GALNT13: variants seen among roughly 807,000 people sequenced by gnomAD.
GALNT13 encodes the protein UDP-GalNAc:polypeptide N-acetylgalactosaminyltransferase 13.
GALNT13 carries 28 observed loss-of-function variants against 64.2 expected under a neutral mutation model. That is an observed-to-expected ratio of 0.44 (90% confidence interval 0.32 to 0.60). The LOEUF (loss-of-function observed/expected upper bound fraction) is 0.60. Among genes scored for constraint, GALNT13 ranks in the 20% least tolerant of loss-of-function variants. The pLI is 0.05. For missense variants in GALNT13, 577 were observed against 669.8 expected (o/e 0.86, Z 1.53); for synonymous variants, 214 against 224.6 (o/e 0.95, Z 0.42).
intron 2 of GALNT13, among the ~76,000 whole-genome samples, chr2:153,904,267 A>G (rs994780976): frequency 6.6e-6 from 1 of 151,922 alleles, no homozygotes; most frequent in Non-Finnish European, 1.5e-5. Flanking sequence ...CCATTACCCA[A>G]ATGTAATGCT....
chr2:153,881,445 TAA>T (rs1217039058), intron 1 of GALNT13, among the ~76,000 whole-genome samples: 2 of 152,186 alleles, frequency 1.3e-5, no homozygotes, highest in Non-Finnish European at 2.9e-5. Flanking sequence ...CAAAAATTTT[TAA>T]AAGACTTTTA....
At chr2:154,043,564 GAA>G (rs912547613) in intron 3 of GALNT13, among the ~76,000 whole-genome samples, 5 of 150,816 alleles carry the variant, frequency 3.3e-5, no homozygotes, top group African/African-American at 1.2e-4. Context: ...AGGCATTAGA[GAA>G]AAAATAAATA....
chr2:154,019,552 A>G (rs1232201835), intron 3 of GALNT13, among the ~76,000 whole-genome samples: 1 of 149,212 alleles, frequency 6.7e-6, no homozygotes. Context: ...AGAGGTTGCA[A>G]TGAGCCAAGA....
chr2:153,601,772 C>A, the GALNT13 span, among the ~76,000 whole-genome samples: 503 of 151,832 alleles, frequency 3.3e-3, 6 homozygotes, highest in African/African-American at 0.011. Context: ...AAAAGATGTT[C>A]CTTACTCTAA....
At chr2:153,283,694 C>T in the GALNT13 span, among the ~76,000 whole-genome samples, 3 of 151,878 alleles carry the variant, frequency 2.0e-5, no homozygotes, top group Non-Finnish European at 4.4e-5. Flanking sequence ...GAGATCTGCT[C>T]GGGCATGGAT....
At chr2:153,914,768 A>T (rs1317220874) in intron 2 of GALNT13, among the ~76,000 whole-genome samples, 1 of 152,018 alleles carries the variant, frequency 6.6e-6, no homozygotes, top group Admixed American at 6.6e-5. Context: ...CCTGGGGCAC[A>T]TGATAGTTTT....
chr2:153,547,504 A>G, the GALNT13 span, among the ~76,000 whole-genome samples: 3 of 152,362 alleles, frequency 2.0e-5, no homozygotes, highest in Admixed American at 2.0e-4. Context: ...ATTCATTTTC[A>G]TAAGCCACAG....
intron 3 of GALNT13, among the ~76,000 whole-genome samples, chr2:154,116,631 A>G (rs768751115): frequency 2.6e-4 from 39 of 152,174 alleles, no homozygotes; most frequent in Non-Finnish European, 1.6e-4. Flanking sequence ...CTTGCCTCAC[A>G]TGAGCTGTGA....
intron 3 of GALNT13, among the ~76,000 whole-genome samples, chr2:154,023,814 T>G (rs10195968): frequency 0.38 from 56,111 of 149,400 alleles, 12,706 homozygotes; most frequent in Non-Finnish European, 0.53. Context: ...ATTTGGCATG[T>G]TTTTGCAGTG....
chr2:153,399,450 A>G, the GALNT13 span, among the ~76,000 whole-genome samples: 34 of 152,032 alleles, frequency 2.2e-4, no homozygotes, highest in Admixed American at 2.2e-3. Flanking sequence ...GTTTTTTCCA[A>G]TTCTGTGAAG....
chr2:153,163,784 C>G, the GALNT13 span, among the ~76,000 whole-genome samples: 2 of 152,124 alleles, frequency 1.3e-5, no homozygotes, highest in Non-Finnish European at 2.9e-5. Flanking sequence ...CTTTGGGAGG[C>G]CAAGGCGGGC....
the GALNT13 span, among the ~76,000 whole-genome samples, chr2:153,264,256 TGAATGGC>T: frequency 1.1e-3 from 174 of 152,308 alleles, no homozygotes; most frequent in African/African-American, 4.0e-3. Flanking sequence ...TATGCCAGTT[TGAATGGC>T]GACTATTAAA....
the GALNT13 span, among the ~76,000 whole-genome samples, chr2:153,258,399 C>G: frequency 5.3e-5 from 8 of 152,110 alleles, no homozygotes; most frequent in East Asian, 1.5e-3. Context: ...CAAAACAAAA[C>G]AAAACCCAAC....
chr2:153,787,975 G>C, the GALNT13 span, among the ~76,000 whole-genome samples: 2 of 152,262 alleles, frequency 1.3e-5, no homozygotes, highest in African/African-American at 4.8e-5. Flanking sequence ...TAGCATCCCT[G>C]AAAGTGACAG....
At chr2:153,931,708 C>A (rs1690532725) in intron 2 of GALNT13, among the ~76,000 whole-genome samples, 1 of 152,108 alleles carries the variant, frequency 6.6e-6, no homozygotes, top group East Asian at 1.9e-4. Flanking sequence ...CCTACTTGAT[C>A]ATGGTGGATT....
At chr2:153,343,944 C>T in the GALNT13 span, among the ~76,000 whole-genome samples, 3 of 152,074 alleles carry the variant, frequency 2.0e-5, no homozygotes, top group African/African-American at 7.2e-5. Flanking sequence ...CTCTATCCAA[C>T]CTTTTTCACT....
At chr2:153,863,399 G>C in the GALNT13 span, among the ~76,000 whole-genome samples, 2 of 152,134 alleles carry the variant, frequency 1.3e-5, no homozygotes, top group Admixed American at 1.3e-4. Context: ...GGAAGTTAGA[G>C]TGAGTCAGAT....
chr2:154,250,426 T>A (rs1468559229), intron 7 of GALNT13, among the ~76,000 whole-genome samples: 1 of 152,066 alleles, frequency 6.6e-6, no homozygotes, highest in African/African-American at 2.4e-5. Flanking sequence ...TTACTTACGA[T>A]GTTTCTCTAT....
the GALNT13 span, among the ~76,000 whole-genome samples, chr2:153,098,198 T>G: frequency 6.6e-6 from 1 of 152,236 alleles, no homozygotes; most frequent in Non-Finnish European, 1.5e-5. Flanking sequence ...AGTGTTTTTC[T>G]GGTTATGTTA....
Sources: allele counts gnomAD v4.1 joint callset (sites outside exome capture counted in the v4.1 genomes callset), GRCh38; gene constraint gnomAD v4.1.1; transcripts MANE v1.5; gene names NCBI Gene and HGNC (gene_info 2026-07-23, HGNC 2026-07-21).